STARD13: variants seen among roughly 807,000 people sequenced by gnomAD.
The protein encoded by STARD13 is StAR related lipid transfer domain containing 13, also known as stAR-related lipid transfer protein 13.
Under a neutral mutation model 106.4 loss-of-function variants are expected in STARD13, and 62 were observed. That is an observed-to-expected ratio of 0.58 (90% CI 0.48 to 0.72). The LOEUF (loss-of-function observed/expected upper bound fraction) is 0.72. STARD13 is among the 30% of genes least tolerant of loss of function. The pLI is 0.00. For synonymous variants in STARD13, 565 were observed against 553.0 expected (o/e 1.02, Z -0.31); for missense variants, 1,387 against 1,424.0 (o/e 0.97, Z 0.42).
intron 12 of STARD13, among the ~76,000 whole-genome samples, chr13:33,108,767 G>A (rs1442268429): frequency 6.6e-6 from 1 of 152,162 alleles, no homozygotes; most frequent in African/African-American, 2.4e-5. Context: ...GGCACGCTAT[G>A]GCATGGCCCC....
chr13:33,633,551 G>T, the STARD13 span, among the ~76,000 whole-genome samples: 1 of 152,158 alleles, frequency 6.6e-6, no homozygotes, highest in East Asian at 1.9e-4. Flanking sequence ...CCTTTTTTGT[G>T]TTTAGCTCTA....
upstream of STARD13, among the ~76,000 whole-genome samples, chr13:33,352,019 A>T (rs1303328758): frequency 6.6e-6 from 1 of 152,242 alleles, no homozygotes; most frequent in Admixed American, 6.5e-5. Flanking sequence ...AATATTTAAA[A>T]ATGTTAACTA....
intron 1 of STARD13, among the ~76,000 whole-genome samples, chr13:33,337,490 G>T (rs2077910063): frequency 6.6e-6 from 1 of 152,080 alleles, no homozygotes; most frequent in African/African-American, 2.4e-5. Context: ...ATGTCATAAG[G>T]AAATACACTC....
chr13:33,639,642 C>T, the STARD13 span, among the ~76,000 whole-genome samples: 1 of 152,218 alleles, frequency 6.6e-6, no homozygotes. Context: ...ATGTAGTGAA[C>T]TGTAACCTAA....
At chr13:33,262,863 T>G (rs1038498686) in intron 1 of STARD13, among the ~76,000 whole-genome samples, 38 of 152,080 alleles carry the variant, frequency 2.5e-4, no homozygotes, top group African/African-American at 9.2e-4. Flanking sequence ...TGACTTCTGC[T>G]TATTAGATGG....
chr13:33,298,437 C>T (rs1322166697), intron 1 of STARD13, among the ~76,000 whole-genome samples: 1 of 151,398 alleles, frequency 6.6e-6, no homozygotes, highest in Non-Finnish European at 1.5e-5. Flanking sequence ...GTGCCCAATC[C>T]CCATCTACAC....
At chr13:33,557,652 CTG>C in the STARD13 span, among the ~76,000 whole-genome samples, 1 of 152,110 alleles carries the variant, frequency 6.6e-6, no homozygotes, top group Non-Finnish European at 1.5e-5. Flanking sequence ...GATTTTTTAA[CTG>C]TTTTTATTGC....
intron 1 of STARD13, among the ~76,000 whole-genome samples, chr13:33,170,946 C>T (rs148555763): frequency 0.01 from 1,564 of 152,142 alleles, 9 homozygotes; most frequent in Non-Finnish European, 0.016. Flanking sequence ...TCTTCATGGC[C>T]CCTACTAATA....
the STARD13 span, among the ~76,000 whole-genome samples, chr13:33,423,064 G>C: frequency 6.6e-6 from 1 of 152,136 alleles, no homozygotes; most frequent in Non-Finnish European, 1.5e-5. Context: ...AACACCAAAA[G>C]CAATGGCGAC....
At chr13:33,251,656 T>C (rs1890099885) in intron 1 of STARD13, among the ~76,000 whole-genome samples, 1 of 152,250 alleles carries the variant, frequency 6.6e-6, no homozygotes, top group Non-Finnish European at 1.5e-5. Context: ...CAAAAGCTTC[T>C]CTTTTCATCA....
intron 1 of STARD13, among the ~76,000 whole-genome samples, chr13:33,188,775 A>G (rs557786277): frequency 6.6e-6 from 1 of 152,364 alleles, no homozygotes; most frequent in East Asian, 1.9e-4. Context: ...TCCTCTGAGC[A>G]GGTACTGACC....
the STARD13 span, among the ~76,000 whole-genome samples, chr13:33,502,047 T>G: frequency 2.0e-5 from 3 of 152,206 alleles, no homozygotes; most frequent in Non-Finnish European, 4.4e-5. Flanking sequence ...GTTTGTGTCC[T>G]CTTTTATTTT....
At chr13:33,586,627 G>C in the STARD13 span, among the ~76,000 whole-genome samples, 1 of 152,194 alleles carries the variant, frequency 6.6e-6, no homozygotes, top group Non-Finnish European at 1.5e-5. Flanking sequence ...TAGTGAAAGA[G>C]CCGGGTGTTA....
chr13:33,630,900 T>C, the STARD13 span, among the ~76,000 whole-genome samples: 5 of 152,322 alleles, frequency 3.3e-5, no homozygotes, highest in South Asian at 6.2e-4. Flanking sequence ...CTTGTCTTAC[T>C]GGTATAGTTA....
chr13:33,403,397 T>C, the STARD13 span, among the ~76,000 whole-genome samples: 2 of 152,194 alleles, frequency 1.3e-5, no homozygotes, highest in Non-Finnish European at 2.9e-5. Flanking sequence ...CCTAAACTAA[T>C]TGTTTTTAGG....
chr13:33,341,268 T>C (rs1241592453), intron 1 of STARD13, among the ~76,000 whole-genome samples: 1 of 152,186 alleles, frequency 6.6e-6, no homozygotes, highest in Non-Finnish European at 1.5e-5. Flanking sequence ...AGATATTAAT[T>C]TCATTAGACA....
intron 1 of STARD13, among the ~76,000 whole-genome samples, chr13:33,332,765 C>T (rs2321174): frequency 0.96 from 145,481 of 152,234 alleles, 69,845 homozygotes; most frequent in East Asian, 1. Flanking sequence ...TCATAATATG[C>T]TAATTACAAC....
the STARD13 span, among the ~76,000 whole-genome samples, chr13:33,543,262 C>T: frequency 1.3e-5 from 2 of 152,030 alleles, no homozygotes; most frequent in Non-Finnish European, 2.9e-5. Context: ...TTCCTTTGGC[C>T]TATTAAAGCG....
the STARD13 span, among the ~76,000 whole-genome samples, chr13:33,496,647 A>G: frequency 6.6e-6 from 1 of 152,072 alleles, no homozygotes; most frequent in African/African-American, 2.4e-5. Flanking sequence ...CAAGCATCCA[A>G]ATGGCTTCCA....
Sources: gnomAD v4.1 joint callset for allele counts (sites outside exome capture counted in the v4.1 genomes callset) on GRCh38, gnomAD v4.1.1 for gene constraint, MANE v1.5 for transcripts, NCBI Gene and HGNC (gene_info 2026-07-23, HGNC 2026-07-21) for gene names.